The following ZNF479 variants were observed in gnomAD, a reference collection of about 807,000 sequenced individuals.
ZNF479 encodes zinc finger protein 479.
A neutral mutation model predicts 14.7 loss-of-function variants in ZNF479; 15 were observed. That is an observed-to-expected ratio of 1.02 (90% CI 0.68 to 1.57). ZNF479 has a LOEUF of 1.57. ZNF479 is among the 40% of genes most tolerant of loss of function. The pLI is 0.00. For missense variants in ZNF479, 506 were observed against 615.1 expected, an observed-to-expected ratio of 0.82 and a Z score of 1.88; for synonymous variants, 145 against 211.5, an observed-to-expected ratio of 0.69 and a Z score of 2.73.
chr7:57,122,474 A>G (rs1395351636), intron 3 of ZNF479, among the ~76,000 whole-genome samples: 5 of 152,078 alleles, frequency 3.3e-5, no homozygotes, highest in Non-Finnish European at 7.4e-5. Context: ...ATATGCATAT[A>G]CAAAAAGTAA....
At chr7:57,139,787 TC>T (rs1322864846) in exon 1 of ZNF479, 5 of 152,144 alleles carry the variant, frequency 3.3e-5, no homozygotes, top group African/African-American at 1.2e-4. Context: ...AACTCTTTTT[TC>T]TGGGTTCTAA....
At chr7:57,121,989 G>C (rs1158370215) in intron 3 of ZNF479, among the ~76,000 whole-genome samples, 1 of 151,850 alleles carries the variant, frequency 6.6e-6, no homozygotes, top group Non-Finnish European at 1.5e-5. Flanking sequence ...ACAAGGTGGA[G>C]GTAAAAAAGA....
In ZNF479 at chr7:57,131,566, A is replaced by AAT. The variant is rs1394628281; in HGVS notation, c.39+718_39+719dup. Among the ~76,000 whole-genome samples the AAT allele has an allele frequency of 2.3e-5, 3 of 127,828 alleles. No homozygotes were observed. In the Admixed American group the frequency reaches 2.4e-4, roughly 10 times the overall value. 83.9% of individuals were successfully genotyped at this position (127,828 alleles called of 152,430 possible). A position where few individuals can be genotyped will look rare whatever the true frequency, so the allele number is the denominator to read the frequency against. On this transcript the variant is annotated intron_variant, in intron 1 of 3. Transcript: ENST00000319636. Reference sequence around the variant, plus strand: ...GGACAGAGCGAGACTCCCTCTCAAAAATAAAAAACAAACAAACAAACAAAA... The same window carrying AAT: ...GGACAGAGCGAGACTCCCTCTCAAAAATATAAAAAACAAACAAACAAACAAAA...
intron 3 of ZNF479, among the ~76,000 whole-genome samples, chr7:57,125,059 T>C (rs1786097783): frequency 6.6e-6 from 1 of 151,584 alleles, no homozygotes; most frequent in African/African-American, 2.4e-5. Flanking sequence ...GAAACAAGAG[T>C]GAAACTCCGT....
At position 57,121,016 on chromosome 7, in the gene ZNF479, A is replaced by T; in HGVS notation, c.399T>A (p.Gly133=). 6.2e-7 allele frequency: 1 copy of T among 1,613,976 alleles called. No individual in the cohort carries two copies. The change falls in exon 4 of 4, where the codon GGT becomes GGA. Residue 133 remains glycine, a synonymous_variant. Coordinates refer to ENST00000319636, the MANE Select transcript of ZNF479 (RefSeq NM_001370129.2). ...LQFKKCCKSV[G]EYEVHKGGYS... ...AACCTCCCTTGTGCACCTCATATTC[A>T]CCCACACTTTTACAGCATTTTTTAA...
chr7:57,139,290 T>A (rs745624884), intron 1 of ZNF479, among the ~76,000 whole-genome samples: 2 of 152,098 alleles, frequency 1.3e-5, no homozygotes, highest in Non-Finnish European at 2.9e-5. Context: ...GTGAACGCAG[T>A]CCACAGGTAG....
chr7:57,122,671 A>C (rs1387976246), intron 3 of ZNF479, among the ~76,000 whole-genome samples: 1 of 152,214 alleles, frequency 6.6e-6, no homozygotes, highest in Admixed American at 6.5e-5. Flanking sequence ...ACCAGTTTAA[A>C]ATATACTGTT....
At chr7:57,132,643 G>T (rs546902527), upstream of ZNF479, among the ~76,000 whole-genome samples, 1 of 152,142 alleles carries the variant, frequency 6.6e-6, no homozygotes, top group African/African-American at 2.4e-5. Context: ...TTCCTCGATC[G>T]GAGCCAGGCC....
intron 1 of ZNF479, among the ~76,000 whole-genome samples, chr7:57,138,553 C>T (rs533743205): frequency 1.3e-5 from 2 of 152,288 alleles, no homozygotes; most frequent in East Asian, 3.9e-4. Flanking sequence ...CTGGACTCAG[C>T]CTACAGGCGC....
upstream of ZNF479, among the ~76,000 whole-genome samples, chr7:57,135,393 G>A (rs1786599571): frequency 6.6e-6 from 1 of 152,120 alleles, no homozygotes; most frequent in East Asian, 1.9e-4. Flanking sequence ...AACCATTGCT[G>A]TCTTTGTGTT....
At chr7:57,130,290 T>G (rs747919657) in intron 1 of ZNF479, among the ~76,000 whole-genome samples, 2 of 152,120 alleles carry the variant, frequency 1.3e-5, no homozygotes, top group Admixed American at 6.5e-5. Context: ...CTAGCCAACA[T>G]AGTGAAAGCC....
chr7:57,131,587 CA>C lies in ZNF479; in HGVS notation c.39+698del, dbSNP rs57405080. On this transcript the variant is annotated intron_variant, in intron 1 of 3. Coordinates refer to ENST00000319636, the MANE Select transcript of ZNF479 (RefSeq NM_001370129.2). ...CAAAAATAAAAAACAAACAAACAAA[CA>C]AAAAAAAAACATTTCTTGTAAATTA... Among the ~76,000 whole-genome samples the C allele has an allele frequency of 2.5e-4, 22 of 86,808 alleles. 1 individual carries two copies. Among genetic ancestry groups the C allele is most frequent in the East Asian group, 1.1e-3 (2 of 1,896 alleles). The allele number at this position is 86,808 out of a possible 152,430, so 56.9% of individuals were successfully genotyped here.
At chr7:57,126,750 A>G (rs80104400) in intron 1 of ZNF479, 32 bp from the exon 2 acceptor site, 37,224 of 1,613,476 alleles carry the variant, frequency 0.023, 1,053 homozygotes, top group East Asian at 0.17. Flanking sequence ...CCACTCATGA[A>G]CACACAAGCA....
In ZNF479 at chr7:57,118,097, CTG is replaced by C. The variant is rs1221706872; in HGVS notation, c.*1741_*1742del. On this transcript the variant is annotated 3_prime_UTR_variant, in exon 4 of 4. Coordinates refer to ENST00000319636, the MANE Select transcript of ZNF479 (RefSeq NM_001370129.2). ...GTTCTGCAAAAATATTTAGTACAAA[CTG>C]GTGTTTTCTAAGCTGGAGGTTTTGA... 6.6e-6 allele frequency among the ~76,000 whole-genome samples: 1 copy of C among 152,210 alleles called. No homozygotes were observed. Among genetic ancestry groups the C allele is most frequent in the South Asian group, 2.1e-4 (1 of 4,836 alleles).
chr7:57,132,307 T>A lies in ZNF479; in HGVS notation c.18A>T (p.Gly6=). 5.6e-6 allele frequency: 9 copies of A among 1,613,598 alleles called. No individual in the cohort carries two copies. Among genetic ancestry groups the A allele is most frequent in the Non-Finnish European group, 7.6e-6 (9 of 1,179,960 alleles). ...TCACCATTTCTCGGCTTCCAGGGGGTCCTGGTCTTTTAGCCATAAATCTGC... is the reference window on the plus strand; with the variant it reads ...TCACCATTTCTCGGCTTCCAGGGGGACCTGGTCTTTTAGCCATAAATCTGC... MAKRP[G]PPGSREMGLL... The change falls in exon 1 of 4, where the codon GGA becomes GGT. Residue 6 remains glycine (G), a synonymous_variant. Coordinates refer to ENST00000319636, the MANE Select transcript of ZNF479 (RefSeq NM_001370129.2).
chr7:57,122,060 C>T lies in ZNF479; in HGVS notation c.263-908G>A, dbSNP rs186934073. 6.8e-3 allele frequency among the ~76,000 whole-genome samples: 1,037 copies of T among 151,916 alleles called. 17 individuals carry two copies. Among genetic ancestry groups the T allele is most frequent in the African/African-American group, 0.024 (999 of 41,486 alleles). On this transcript the variant is annotated intron_variant, in intron 3 of 3. Coordinates refer to ENST00000319636, the MANE Select transcript of ZNF479 (RefSeq NM_001370129.2). ...GTAAAAAATGAAGAAGCTAAACAAA[C>T]AAACTAGGATATACACAAAAAGATC...
In ZNF479 at chr7:57,120,874, C is replaced by CAG; in HGVS notation, c.539_540dup (p.Gly181LeufsTer21). On this transcript the variant is annotated frameshift_variant, in exon 4 of 4. Coordinates refer to ENST00000319636, the MANE Select transcript of ZNF479 (RefSeq NM_001370129.2). LOFTEE classifies it low-confidence loss of function (END_TRUNC). The stretch of plus-strand genomic sequence containing the variant: ...TTGTTACATTTGAAATGTTTATTTC[C>CAG]AGTATATCTTGTTTTATCTCTATTG... 6.2e-7 allele frequency: 1 copy of CAG among 1,613,826 alleles called. No homozygotes were observed. The highest frequency in any genetic ancestry group is 8.5e-7 in the Non-Finnish European group (1 of 1,179,932).
Position 57,118,521 on chromosome 7 carries a change from G to A in ZNF479, c.*1319C>T, listed in dbSNP as rs1198351570. On this transcript the variant is annotated 3_prime_UTR_variant, in exon 4 of 4. Transcript: ENST00000319636. ...CAAGTAGCTGGGATTACAAGTGCACGCCACCACACCCAGCTAGTTTTTCTA... is the reference window on the plus strand; with the variant it reads ...CAAGTAGCTGGGATTACAAGTGCACACCACCACACCCAGCTAGTTTTTCTA... Among the ~76,000 whole-genome samples the A allele has an allele frequency of 3.2e-4, 48 of 151,256 alleles. No individual in the cohort carries two copies. The highest frequency in any genetic ancestry group is 1.0e-3 in the African/African-American group (41 of 41,016).
At chr7:57,122,102 G>A (rs1476148508) in intron 3 of ZNF479, among the ~76,000 whole-genome samples, 19 of 152,016 alleles carry the variant, frequency 1.2e-4, no homozygotes, top group African/African-American at 4.6e-4. Flanking sequence ...ACAAATTTAA[G>A]CAAAGTTTCA....
Sources: allele counts gnomAD v4.1 joint callset (sites outside exome capture counted in the v4.1 genomes callset), GRCh38; gene constraint gnomAD v4.1.1; transcripts MANE v1.5; gene names NCBI Gene and HGNC (gene_info 2026-07-23, HGNC 2026-07-21).